Variants in ADCY3 observed in about 807,000 individuals in gnomAD.
ADCY3 encodes the protein adenylate cyclase type 3.
ADCY3 carries 70 observed loss-of-function variants against 119.4 expected under a neutral mutation model. The ratio of observed to expected loss-of-function variants is 0.59; its 90% CI spans 0.48 to 0.72. The LOEUF is 0.72. Among genes scored for constraint, ADCY3 ranks in the 30% least tolerant of loss-of-function variants. The pLI, the probability that ADCY3 is intolerant of heterozygous loss-of-function variation, is 0.00. For missense variants in ADCY3, 1,238 were observed against 1,541.6 expected (o/e 0.80, Z 3.30); for synonymous variants, 672 against 621.4 (o/e 1.08, Z -1.21).
chr2:24,819,874 TCA>T lies in ADCY3; in HGVS notation c.*56_*57del. The T allele has an allele frequency of 1.3e-6, 2 of 1,567,324 alleles. No individual in the cohort carries two copies. Among genetic ancestry groups the T allele is most frequent in the Non-Finnish European group, 1.7e-6 (2 of 1,151,096 alleles). On this transcript the variant is annotated 3_prime_UTR_variant, in exon 22 of 22. Transcript: ENST00000679454. ...CAATCCAGGAAGGTCGGGACTTCCT[TCA>T]GTTTCAAAAAATAAATTCTCCCTTC...
rs1046139299 is a variant in ADCY3, at chr2:24,842,736, G to A, written c.826-352C>T. 3.3e-5 allele frequency: 10 copies of A among 299,608 alleles called. No homozygotes were observed. The highest frequency in any genetic ancestry group is 2.1e-4 in the Admixed American group (5 of 24,352). The allele number at this position is 299,608 out of a possible 1,614,324, so 18.6% of individuals were successfully genotyped here. On this transcript the variant is annotated intron_variant, in intron 3 of 21. Transcript: ENST00000679454. The surrounding 1 kb of genome is among the most constrained non-coding windows in gnomAD (Gnocchi z 4.9). ...TGAGCCCTCCCGGCAGGAGCCCTGC[G>A]GGGTCACCTCAGCCACCCGCCACGG...
intron 13 of ADCY3, 46 bp from the exon 14 acceptor site, chr2:24,828,207 C>T (rs780543067): frequency 4.4e-6 from 7 of 1,602,292 alleles, no homozygotes; most frequent in African/African-American, 1.3e-5. Context: ...AAGAGAACAG[C>T]AGGTGCTGGT....
chr2:24,827,302 T>C (rs1320759135), intron 15 of ADCY3, among the ~76,000 whole-genome samples: 1 of 152,130 alleles, frequency 6.6e-6, no homozygotes. Flanking sequence ...CCCTCCTCAT[T>C]TTCCTGCTGC....
chr2:24,853,065 T>C (rs971710122), intron 3 of ADCY3, among the ~76,000 whole-genome samples: 7 of 92,312 alleles, frequency 7.6e-5, no homozygotes, highest in African/African-American at 2.8e-4. Flanking sequence ...TGTGTGTGTG[T>C]GTAGGGGTGT....
intron 2 of ADCY3, among the ~76,000 whole-genome samples, chr2:24,890,941 G>A (rs981928714): frequency 1.3e-5 from 2 of 151,754 alleles, no homozygotes; most frequent in Admixed American, 6.6e-5. Flanking sequence ...GCACGATCTC[G>A]GCTCACTGCA....
chr2:24,832,621 CCTT>C (rs1373294867), intron 11 of ADCY3, among the ~76,000 whole-genome samples: 1 of 152,204 alleles, frequency 6.6e-6, no homozygotes. Flanking sequence ...TCTCACCCCT[CCTT>C]GAGACACTTT....
At chr2:24,886,283 C>A (rs1486077430) in intron 2 of ADCY3, among the ~76,000 whole-genome samples, 1 of 152,144 alleles carries the variant, frequency 6.6e-6, no homozygotes, top group Non-Finnish European at 1.5e-5. Flanking sequence ...GCTTCACATG[C>A]GCCAAAGCAA....
chr2:24,918,447 TGAA>T lies in ADCY3; in HGVS notation c.538_540del (p.Phe180del). 1.2e-6 allele frequency: 2 copies of T among 1,613,640 alleles called. No individual in the cohort carries two copies. Among genetic ancestry groups the T allele is most frequent in the Non-Finnish European group, 1.7e-6 (2 of 1,179,936 alleles). ...GGGCTGAGGCTGAGGGGCAGCGTGA[TGAA>T]GAAGGAGAAGACAAAGAAGACCTGC... On this transcript the variant is annotated inframe_deletion, in exon 2 of 22. Transcript: ENST00000679454. The surrounding 1 kb of genome is among the most constrained non-coding windows in gnomAD (Gnocchi z 5.4).
rs1370865776 is a variant in ADCY3 at position 24,904,520 on chromosome 2, CAAAAAAAAAG to C, written c.675+13783_675+13792del. On this transcript the variant is annotated intron_variant, in intron 2 of 21. Transcript: ENST00000679454. ...TGAGCGACAGAGTGAAATTCCATCT[CAAAAAAAAAG>C]AAAAGAAAAGAAAAAAGTACATGAT... 3.3e-5 allele frequency among the ~76,000 whole-genome samples: 5 copies of C among 150,392 alleles called. No homozygotes were observed. The South Asian group carries it at 8.5e-4, about 25-fold the overall frequency.
intron 3 of ADCY3, among the ~76,000 whole-genome samples, chr2:24,856,504 TG>T (rs1673017410): frequency 6.6e-6 from 1 of 152,196 alleles, no homozygotes; most frequent in South Asian, 2.1e-4. Flanking sequence ...GCGTCCATCA[TG>T]GCCTGACTAC....
At chr2:24,847,681 C>T (rs556152059) in intron 3 of ADCY3, among the ~76,000 whole-genome samples, 9 of 152,312 alleles carry the variant, frequency 5.9e-5, no homozygotes, top group South Asian at 2.1e-4. Context: ...GGACAGGACC[C>T]GTCTCGGAAC....
chr2:24,824,842 A>T (rs979700148), intron 16 of ADCY3, among the ~76,000 whole-genome samples: 3 of 152,198 alleles, frequency 2.0e-5, no homozygotes, highest in African/African-American at 7.2e-5. Context: ...GTGAGCCGAG[A>T]TCGCACCACT....
chr2:24,879,942 T>C (rs1007224903), intron 2 of ADCY3, among the ~76,000 whole-genome samples: 4 of 152,178 alleles, frequency 2.6e-5, no homozygotes, highest in African/African-American at 9.6e-5. Context: ...TGAGTGACTC[T>C]CCCATGCTGC....
chr2:24,840,137 A>C, intron 6 of ADCY3, 106 bp from the exon 7 acceptor site: 1 of 1,431,982 alleles, frequency 7.0e-7, no homozygotes, highest in Non-Finnish European at 9.5e-7. Context: ...TCCCCTCCAC[A>C]AGAGGGGGCC....
chr2:24,872,415 G>T lies in ADCY3; in HGVS notation c.825+155C>A, dbSNP rs1675131531. 3.3e-5 allele frequency among the ~76,000 whole-genome samples: 5 copies of T among 152,186 alleles called. No homozygotes were observed. The highest frequency in any genetic ancestry group is 3.3e-4 in the Admixed American group (5 of 15,274). ...AGAAGCTGCCCTCTAATAGTGAGGA[G>T]CCCAGAAGACAAAGTTCAGAAGCAA... On this transcript the variant is annotated intron_variant, in intron 3 of 21. Coordinates refer to ENST00000679454, the MANE Select transcript of ADCY3 (RefSeq NM_004036.5). The surrounding 1 kb of genome is among the most constrained non-coding windows in gnomAD (Gnocchi z 4.4).
chr2:24,831,240 A>C (rs969325036), intron 12 of ADCY3, among the ~76,000 whole-genome samples: 5 of 151,630 alleles, frequency 3.3e-5, no homozygotes, highest in African/African-American at 4.8e-5. Context: ...TAAAAAAAAA[A>C]AAAACTCTGC....
intron 3 of ADCY3, among the ~76,000 whole-genome samples, chr2:24,849,607 G>A (rs941768095): frequency 5.3e-5 from 8 of 152,354 alleles, no homozygotes; most frequent in South Asian, 2.1e-4. Context: ...AATTCCCTGT[G>A]TGGTTTGTGG....
At chr2:24,863,787 G>A (rs993974586) in intron 3 of ADCY3, among the ~76,000 whole-genome samples, 2 of 152,218 alleles carry the variant, frequency 1.3e-5, no homozygotes, top group African/African-American at 4.8e-5. Context: ...ATCTGTCTGT[G>A]GCTTGAGCCA....
At chr2:24,820,162 GAC>G in intron 21 of ADCY3, 48 bp from the exon 22 acceptor site, 1 of 1,007,250 alleles carries the variant, frequency 9.9e-7, no homozygotes, top group Non-Finnish European at 1.4e-6. Flanking sequence ...GGGGAGCCTA[GAC>G]TGAGGGCGGG....
Sources: gnomAD v4.1 joint callset for allele counts (sites outside exome capture counted in the v4.1 genomes callset) on GRCh38, gnomAD v4.1.1 for gene constraint, Gnocchi (gnomAD v3.1) non-coding constraint, MANE v1.5 for transcripts, NCBI Gene and HGNC (gene_info 2026-07-23, HGNC 2026-07-21) for gene names.